MBD5: variants seen among roughly 807,000 people sequenced by gnomAD.
MBD5 encodes the protein methyl-CpG-binding domain protein 5.
Under a neutral mutation model 117.3 loss-of-function variants are expected in MBD5, and 13 were observed. The observed-to-expected ratio is 0.11, with a 90% CI of 0.07 to 0.18. The LOEUF is 0.18. Ranked by LOEUF, MBD5 falls within the 10% of genes least tolerant of loss-of-function variation. The pLI is 1.00. For missense variants in MBD5, 1,879 were observed against 2,093.8 expected (o/e 0.90, Z 2.00); for synonymous variants, 727 against 766.4 (o/e 0.95, Z 0.85).
At chr2:148,185,928 G>A (rs1698646121) in intron 2 of MBD5, among the ~76,000 whole-genome samples, 1 of 152,122 alleles carries the variant, frequency 6.6e-6, no homozygotes, top group Non-Finnish European at 1.5e-5. Context: ...GGTTTGCGTA[G>A]GATAGTTTTT....
intron 3 of MBD5, among the ~76,000 whole-genome samples, chr2:148,250,981 A>T (rs1413632671): frequency 6.6e-6 from 1 of 152,124 alleles, no homozygotes; most frequent in Non-Finnish European, 1.5e-5. Context: ...AATTATTTTT[A>T]AAATAGTGGG....
At chr2:148,274,675 G>A (rs555377476) in intron 3 of MBD5, among the ~76,000 whole-genome samples, 1 of 151,230 alleles carries the variant, frequency 6.6e-6, no homozygotes, top group Non-Finnish European at 1.5e-5. Context: ...GCTGGGTTTA[G>A]AATTCTGTTA....
intron 4 of MBD5, among the ~76,000 whole-genome samples, chr2:148,451,957 C>G (rs930972084): frequency 2.6e-5 from 4 of 152,062 alleles, no homozygotes; most frequent in African/African-American, 7.2e-5. Flanking sequence ...TGATTCTGTC[C>G]CACTGTGTCT....
intron 13 of MBD5, among the ~76,000 whole-genome samples, chr2:148,511,378 G>T (rs1228709967): frequency 1.3e-5 from 2 of 152,182 alleles, no homozygotes; most frequent in African/African-American, 4.8e-5. Context: ...ATCTCTCTAG[G>T]CTCTGCCTCG....
chr2:148,454,370 T>G (rs1175619788), intron 4 of MBD5, among the ~76,000 whole-genome samples: 1 of 152,148 alleles, frequency 6.6e-6, no homozygotes, highest in Non-Finnish European at 1.5e-5. Context: ...AATTTCAAGC[T>G]TAAAAATTCA....
intron 2 of MBD5, among the ~76,000 whole-genome samples, chr2:148,195,471 T>G (rs1270633522): frequency 6.6e-6 from 1 of 152,108 alleles, no homozygotes; most frequent in Admixed American, 6.6e-5. Context: ...ATTTCAACCT[T>G]CCTCTCCCAT....
At chr2:148,348,560 G>A (rs1262960673) in intron 4 of MBD5, among the ~76,000 whole-genome samples, 1 of 151,978 alleles carries the variant, frequency 6.6e-6, no homozygotes, top group Non-Finnish European at 1.5e-5. Flanking sequence ...TGGTGTCTTG[G>A]AATAATTAAG....
Position 148,490,545 on chromosome 2 carries a change from G to T in MBD5, c.4913G>T (p.Arg1638Ile). The change falls in exon 11 of 14, where the codon AGA becomes ATA. Residue 1638 changes from arginine to isoleucine, a missense_variant. Physicochemically the swap from Arg to Ile is moderately conservative, Grantham distance 97. This residue lies in a region of MBD5 where 135 missense variants were observed against 148.0 expected (regional missense o/e 0.91). Transcript: ENST00000642680. ...ACTTCCTGGCCTGGAAAATTAGTAA[G>T]AGAAGACGACGTTCACAATTCATGT... Reference protein sequence around the residue: ...GLTSWPGKLVREDDVHNSCQQ... With the variant: ...GLTSWPGKLVIEDDVHNSCQQ... The T allele has an allele frequency of 6.2e-7, 1 of 1,614,200 alleles. No homozygotes were observed. The highest frequency in any genetic ancestry group is 8.5e-7 in the Non-Finnish European group (1 of 1,180,030).
chr2:148,291,340 T>C (rs1295122809), intron 3 of MBD5, among the ~76,000 whole-genome samples: 4 of 152,232 alleles, frequency 2.6e-5, no homozygotes, highest in African/African-American at 9.6e-5. Flanking sequence ...GAACATGAGA[T>C]GTCTTTGTAT....
intron 1 of MBD5, among the ~76,000 whole-genome samples, chr2:148,031,416 A>G (rs1270719271): frequency 6.6e-6 from 1 of 152,086 alleles, no homozygotes; most frequent in Non-Finnish European, 1.5e-5. Flanking sequence ...ATCAGGGTTT[A>G]GGTGGAGTTT....
chr2:148,150,569 A>G (rs960592354), intron 1 of MBD5, among the ~76,000 whole-genome samples: 5 of 152,120 alleles, frequency 3.3e-5, no homozygotes, highest in African/African-American at 1.2e-4. Context: ...CTTCTGACCC[A>G]TGAGCATGGA....
chr2:148,430,213 C>G (rs1439919234), intron 4 of MBD5, among the ~76,000 whole-genome samples: 2 of 152,124 alleles, frequency 1.3e-5, no homozygotes, highest in African/African-American at 4.8e-5. Flanking sequence ...GTGCCAGGCA[C>G]TAAGCCCTTT....
At chr2:148,282,907 C>G (rs1052599394) in intron 3 of MBD5, among the ~76,000 whole-genome samples, 5 of 133,224 alleles carry the variant, frequency 3.8e-5, no homozygotes, top group Admixed American at 7.9e-5. Context: ...CCGCCCCCCC[C>G]CATCAGATGC....
At chr2:148,183,204 G>T (rs560046752) in intron 2 of MBD5, among the ~76,000 whole-genome samples, 1 of 152,034 alleles carries the variant, frequency 6.6e-6, no homozygotes, top group East Asian at 1.9e-4. Flanking sequence ...CTCTACATTT[G>T]ATATATACTA....
At chr2:148,200,267 C>T (rs919229932) in intron 2 of MBD5, among the ~76,000 whole-genome samples, 6 of 151,838 alleles carry the variant, frequency 4.0e-5, no homozygotes, top group African/African-American at 1.5e-4. Context: ...AACTACGCAA[C>T]ACCGAGGCAG....
chr2:148,078,667 G>A (rs1190944121), intron 1 of MBD5, among the ~76,000 whole-genome samples: 2 of 152,152 alleles, frequency 1.3e-5, no homozygotes, highest in Non-Finnish European at 2.9e-5. Context: ...AGCTAAAATA[G>A]CGTAAGTATA....
At chr2:148,309,444 G>A (rs889844756) in intron 3 of MBD5, among the ~76,000 whole-genome samples, 1 of 152,050 alleles carries the variant, frequency 6.6e-6, no homozygotes, top group South Asian at 2.1e-4. Flanking sequence ...CTCATGATTA[G>A]GCTGTCTGTC....
At chr2:148,035,470 T>C (rs189340113) in intron 1 of MBD5, among the ~76,000 whole-genome samples, 12 of 152,306 alleles carry the variant, frequency 7.9e-5, no homozygotes, top group Non-Finnish European at 1.6e-4. Context: ...ATTTTTGTGC[T>C]GTTCTGCACT....
chr2:148,255,435 A>G (rs527627307), intron 3 of MBD5, among the ~76,000 whole-genome samples: 2 of 152,324 alleles, frequency 1.3e-5, no homozygotes, highest in South Asian at 4.1e-4. Context: ...ACACCCAAGG[A>G]GTAACATGCA....
Sources: allele counts gnomAD v4.1 joint callset (sites outside exome capture counted in the v4.1 genomes callset), GRCh38; gene constraint gnomAD v4.1.1; regional missense constraint gnomAD v4.1.1; transcripts MANE v1.5; gene names NCBI Gene and HGNC (gene_info 2026-07-23, HGNC 2026-07-21).